The following AFG1L variants were observed in gnomAD, a reference collection of about 807,000 sequenced individuals.
The protein encoded by AFG1L is AFG1 like ATPase.
In AFG1L, 53 loss-of-function variants were observed where a neutral mutation model predicts 62.2. The observed-to-expected ratio is 0.85, with a 90% CI of 0.68 to 1.07. The LOEUF is 1.07. Among genes scored for constraint, AFG1L ranks in the 50% least tolerant of loss-of-function variants. The pLI, the probability that AFG1L is intolerant of heterozygous loss-of-function variation, is 0.00. For synonymous variants in AFG1L, 228 were observed against 210.3 expected (o/e 1.08, Z -0.73); for missense variants, 555 against 590.5 (o/e 0.94, Z 0.62).
chr6:108,361,685 C>T (rs977536597), intron 5 of AFG1L, among the ~76,000 whole-genome samples: 4 of 152,132 alleles, frequency 2.6e-5, no homozygotes, highest in Non-Finnish European at 5.9e-5. Context: ...AGGCAGCAAC[C>T]GTTGCTGTGT....
At chr6:108,315,071 C>T (rs1055967904) in intron 1 of AFG1L, among the ~76,000 whole-genome samples, 21 of 152,014 alleles carry the variant, frequency 1.4e-4, no homozygotes, top group East Asian at 5.8e-4. Flanking sequence ...AAGTGATCAC[C>T]GCCCGCCTCA....
chr6:108,464,156 T>C (rs1187277168), intron 8 of AFG1L, among the ~76,000 whole-genome samples: 1 of 152,170 alleles, frequency 6.6e-6, no homozygotes, highest in Non-Finnish European at 1.5e-5. Flanking sequence ...AGAAGCAAAG[T>C]GTGGGTAGCA....
chr6:108,481,476 G>A (rs899556025), intron 10 of AFG1L, among the ~76,000 whole-genome samples: 3 of 152,222 alleles, frequency 2.0e-5, no homozygotes, highest in Admixed American at 1.3e-4. Flanking sequence ...TTTCACTCTG[G>A]TAGTATTTAC....
chr6:108,439,700 G>A (rs1174425619), intron 7 of AFG1L, among the ~76,000 whole-genome samples: 1 of 152,136 alleles, frequency 6.6e-6, no homozygotes, highest in South Asian at 2.1e-4. Flanking sequence ...CCTGTATTAA[G>A]TTATACTTAA....
chr6:108,497,800 G>C (rs1774030058), intron 10 of AFG1L, among the ~76,000 whole-genome samples: 1 of 152,124 alleles, frequency 6.6e-6, no homozygotes, highest in Admixed American at 6.5e-5. Flanking sequence ...GGCTGGACTT[G>C]CTAATGACTT....
chr6:108,337,944 G>T (rs540860627), intron 2 of AFG1L, among the ~76,000 whole-genome samples: 12 of 152,246 alleles, frequency 7.9e-5, no homozygotes, highest in African/African-American at 2.9e-4. Context: ...CCAGCAATTT[G>T]GGAGGCTGAG....
chr6:108,310,422 A>G (rs547618519), intron 1 of AFG1L, among the ~76,000 whole-genome samples: 1 of 152,276 alleles, frequency 6.6e-6, no homozygotes, highest in South Asian at 2.1e-4. Context: ...CTTTGGAGAA[A>G]TGTCTACTTA....
At chr6:108,314,598 C>G (rs537640126) in intron 1 of AFG1L, among the ~76,000 whole-genome samples, 1 of 151,972 alleles carries the variant, frequency 6.6e-6, no homozygotes, top group Admixed American at 6.6e-5. Flanking sequence ...GGGGTTTCAC[C>G]GTGTTGCCTA....
chr6:108,515,027 A>G (rs1774819688), intron 11 of AFG1L, among the ~76,000 whole-genome samples: 1 of 152,252 alleles, frequency 6.6e-6, no homozygotes, highest in Non-Finnish European at 1.5e-5. Context: ...AAAGAGACTT[A>G]GACTCCCACA....
At chr6:108,460,507 AT>A (rs932810169) in intron 8 of AFG1L, among the ~76,000 whole-genome samples, 35 of 152,174 alleles carry the variant, frequency 2.3e-4, no homozygotes, top group African/African-American at 7.2e-4. Context: ...TTAAATTTAC[AT>A]TTGCTTTTTA....
chr6:108,484,086 G>C (rs1562188917), intron 10 of AFG1L, among the ~76,000 whole-genome samples: 1 of 152,096 alleles, frequency 6.6e-6, no homozygotes, highest in African/African-American at 2.4e-5. Flanking sequence ...TCTACTACTT[G>C]GCCAAGAGTC....
chr6:108,521,078 A>G (rs1442895657), intron 12 of AFG1L: 1 of 152,274 alleles, frequency 6.6e-6, no homozygotes, highest in East Asian at 1.9e-4. Flanking sequence ...AACCTAGAAC[A>G]GTTTCATCCT....
intron 6 of AFG1L, among the ~76,000 whole-genome samples, chr6:108,383,699 AGT>A (rs1229812836): frequency 6.6e-6 from 1 of 152,196 alleles, no homozygotes; most frequent in African/African-American, 2.4e-5. Context: ...CTTGAGGGGC[AGT>A]GTCATCAGTT....
intron 10 of AFG1L, among the ~76,000 whole-genome samples, chr6:108,492,659 C>A (rs542060669): frequency 6.6e-6 from 1 of 152,152 alleles, no homozygotes; most frequent in South Asian, 2.1e-4. Context: ...GGAGTTATTA[C>A]AACATTATTT....
chr6:108,501,537 A>G (rs765608308), intron 10 of AFG1L, among the ~76,000 whole-genome samples: 5 of 152,216 alleles, frequency 3.3e-5, no homozygotes, highest in Non-Finnish European at 5.9e-5. Flanking sequence ...TTACTGTCCA[A>G]TGCAGGCTGA....
At chr6:108,348,102 A>G (rs1778936955) in intron 3 of AFG1L, among the ~76,000 whole-genome samples, 1 of 151,412 alleles carries the variant, frequency 6.6e-6, no homozygotes, top group Non-Finnish European at 1.5e-5. Flanking sequence ...TTGTTTTGAG[A>G]TGGAGTCTCT....
At chr6:108,364,923 G>A (rs1779694649) in intron 5 of AFG1L, among the ~76,000 whole-genome samples, 1 of 151,174 alleles carries the variant, frequency 6.6e-6, no homozygotes, top group African/African-American at 2.4e-5. Flanking sequence ...GTTTTCAGGT[G>A]GGAAAGAAGA....
chr6:108,296,830 T>C (rs996129410), intron 1 of AFG1L, among the ~76,000 whole-genome samples: 8 of 152,338 alleles, frequency 5.3e-5, no homozygotes, highest in Middle Eastern at 3.4e-3. Flanking sequence ...TTCTGTGTCA[T>C]ACAATATACT....
chr6:108,410,529 C>T (rs1187216528), intron 7 of AFG1L, among the ~76,000 whole-genome samples: 1 of 151,926 alleles, frequency 6.6e-6, no homozygotes, highest in African/African-American at 2.4e-5. Flanking sequence ...TGTCATGTAC[C>T]TCTACGCCCA....
Sources: allele counts gnomAD v4.1 joint callset (sites outside exome capture counted in the v4.1 genomes callset), GRCh38; gene constraint gnomAD v4.1.1; transcripts MANE v1.5; gene names NCBI Gene and HGNC (gene_info 2026-07-23, HGNC 2026-07-21).